Variants in DST observed in about 807,000 individuals in gnomAD.
The protein encoded by DST is dystonin, also known as bullous pemphigoid antigen.
DST carries 253 observed loss-of-function variants against 875.2 expected under a neutral mutation model. That is an observed-to-expected ratio of 0.29 (90% CI 0.26 to 0.32). DST has a LOEUF of 0.32. Among genes scored for constraint, DST ranks in the 10% least tolerant of loss-of-function variants. The pLI is 1.00. For synonymous variants in DST, 3,124 were observed against 3,197.1 expected (o/e 0.98, Z 0.77); for missense variants, 8,287 against 9,111.6 (o/e 0.91, Z 3.68).
At chr6:56,900,325 T>C (rs141580230) in intron 3 of DST, 96 bp downstream of exon 3, 2 of 1,063,824 alleles carry the variant, frequency 1.9e-6, no homozygotes, top group East Asian at 4.9e-5. Flanking sequence ...AACCTAATTA[T>C]TCAAAGTTAA....
intron 69 of DST, among the ~76,000 whole-genome samples, chr6:56,522,079 A>C (rs1405885500): frequency 1.3e-5 from 2 of 151,716 alleles, no homozygotes; most frequent in Non-Finnish European, 2.9e-5. Flanking sequence ...AATTTTCTAA[A>C]AGTTAGTGCA....
rs58251502 is a variant in DST at position 56,593,516 on chromosome 6, C to CAAAAAAAAAAAAAAAAAAAAAAAA, written c.12726+146_12726+147insTTTTTTTTTTTTTTTTTTTTTTTT. The CAAAAAAAAAAAAAAAAAAAAAAAA allele has an allele frequency of 3.1e-5, 10 of 319,356 alleles. No individual in the cohort carries two copies. In the African/African-American group the frequency reaches 3.9e-4, roughly 12 times the overall value. The allele number at this position is 319,356 out of a possible 1,614,324, so 19.8% of individuals were successfully genotyped here. On this transcript the variant is annotated intron_variant, in intron 48 of 103. Coordinates refer to ENST00000680361, the MANE Select transcript of DST (RefSeq NM_001374736.1). ...TGGGCGACAGAGTGAGACTCCTTCT[C>CAAAAAAAAAAAAAAAAAAAAAAAA]AAAAAAAAAAAAAAAAATAGAAGTA...
rs1003429725 is a variant in DST, at chr6:56,616,844, A to C, written c.4930-2360T>G. The C allele has an allele frequency of 1.9e-6, 3 of 1,614,012 alleles. No individual in the cohort carries two copies. In the African/African-American group the frequency reaches 4.0e-5, roughly 22 times the overall value. ...CACAGCTGCCTTCTCTGCCTCAAGA[A>C]GCCTAATTCTGAATTCGGGGTCAAC... On this transcript the variant is annotated intron_variant, in intron 36 of 103. Coordinates refer to ENST00000680361, the MANE Select transcript of DST (RefSeq NM_001374736.1).
intron 86 of DST, among the ~76,000 whole-genome samples, chr6:56,488,941 C>T (rs976637709): frequency 6.6e-6 from 1 of 152,108 alleles, no homozygotes; most frequent in Non-Finnish European, 1.5e-5. Context: ...TTTCTACATG[C>T]TTTTCTAGTC....
intron 4 of DST, among the ~76,000 whole-genome samples, chr6:56,765,062 C>T (rs1290827244): frequency 5.3e-5 from 8 of 152,020 alleles, no homozygotes. Context: ...TGTATGATTG[C>T]CTGCTACTTG....
intron 22 of DST, among the ~76,000 whole-genome samples, chr6:56,638,513 A>AT (rs1202284472): frequency 2.6e-5 from 4 of 151,880 alleles, no homozygotes; most frequent in East Asian, 3.9e-4. Flanking sequence ...GACCAGCATC[A>AT]TTTTTTTTCC....
intron 4 of DST, among the ~76,000 whole-genome samples, chr6:56,784,512 C>T (rs1367694091): frequency 2.0e-5 from 3 of 152,160 alleles, no homozygotes; most frequent in Admixed American, 6.5e-5. Flanking sequence ...TCCAGTTGAT[C>T]GCATCAGCTC....
intron 78 of DST, among the ~76,000 whole-genome samples, chr6:56,501,999 C>T (rs1457724187): frequency 6.6e-6 from 1 of 152,024 alleles, no homozygotes; most frequent in African/African-American, 2.4e-5. Flanking sequence ...CCAATATATG[C>T]ATTTGAAAAA....
At chr6:56,503,837 T>C (rs1172838461) in intron 78 of DST, among the ~76,000 whole-genome samples, 160 bp downstream of exon 78, 2 of 152,114 alleles carry the variant, frequency 1.3e-5, no homozygotes, top group Non-Finnish European at 2.9e-5. Flanking sequence ...AAAGAACACT[T>C]ATATATTGCT....
In DST at chr6:56,489,567, A is replaced by G; in HGVS notation, c.20800T>C (p.Ser6934Pro). ...WSKLMEWLEE[S>P]EKSLDSELEI... Reference sequence around the variant, plus strand: ...AGTTCAGAATCCAAAGACTTTTCTGACTCTTCTAGCCACTCCATAAGTTTA... The same window carrying G: ...AGTTCAGAATCCAAAGACTTTTCTGGCTCTTCTAGCCACTCCATAAGTTTA... The change falls in exon 86 of 104, where the codon TCA (serine) becomes CCA (proline). Residue 6934 changes from serine (S) to proline (P), a missense_variant. Ser to Pro is a moderately conservative substitution (Grantham distance 74, BLOSUM62 -1). This residue lies in a region of DST where 1,292 missense variants were observed against 1,552.7 expected (regional missense o/e 0.83). Coordinates refer to ENST00000680361, the MANE Select transcript of DST (RefSeq NM_001374736.1). 6.2e-7 allele frequency: 1 copy of G among 1,613,044 alleles called. No homozygotes were observed. The highest frequency in any genetic ancestry group is 8.5e-7 in the Non-Finnish European group (1 of 1,179,434).
At chr6:56,595,418 CCTACCATATAACTTAGTT>C in intron 47 of DST, among the ~76,000 whole-genome samples, 1 of 152,220 alleles carries the variant, frequency 6.6e-6, no homozygotes, top group Non-Finnish European at 1.5e-5. Context: ...TGCCTTCTAA[CCTACCATATAACTTAGTT>C]ATTGTCTACT....
At chr6:56,745,693 A>G (rs879593626) in intron 4 of DST, among the ~76,000 whole-genome samples, 17 of 152,232 alleles carry the variant, frequency 1.1e-4, no homozygotes, top group Admixed American at 2.0e-4. Flanking sequence ...CATCTGCTAT[A>G]TATGTAAAAT....
chr6:56,863,744 T>C (rs1340813926), intron 3 of DST: 1 of 152,176 alleles, frequency 6.6e-6, no homozygotes, highest in Non-Finnish European at 1.5e-5. Flanking sequence ...CATAAAACAA[T>C]ATGATGAATT....
At chr6:56,733,521 C>A (rs1223246590) in intron 5 of DST, among the ~76,000 whole-genome samples, 1 of 152,068 alleles carries the variant, frequency 6.6e-6, no homozygotes, top group Non-Finnish European at 1.5e-5. Context: ...TCATTTAAAT[C>A]CTCACACCAA....
intron 5 of DST, among the ~76,000 whole-genome samples, chr6:56,722,793 A>G (rs2099427934): frequency 6.6e-6 from 1 of 152,260 alleles, no homozygotes; most frequent in Non-Finnish European, 1.5e-5. Flanking sequence ...ATAGCTGAAC[A>G]TGTACAAAGG....
chr6:56,779,236 T>C (rs1010195453), intron 4 of DST, among the ~76,000 whole-genome samples: 3 of 151,970 alleles, frequency 2.0e-5, no homozygotes, highest in African/African-American at 7.3e-5. Context: ...GGGTTGTTTG[T>C]TTTTTTCCTG....
intron 8 of DST, among the ~76,000 whole-genome samples, chr6:56,700,677 A>G (rs2099297062): frequency 6.6e-6 from 1 of 152,212 alleles, no homozygotes; most frequent in Admixed American, 6.5e-5. Flanking sequence ...CCTAACATTT[A>G]CTTCCTGGAC....
chr6:56,681,652 A>G (rs1049942429), intron 9 of DST, among the ~76,000 whole-genome samples: 3 of 152,248 alleles, frequency 2.0e-5, no homozygotes, highest in African/African-American at 7.2e-5. Flanking sequence ...ATATGTGAGC[A>G]GTATATCCTG....
At chr6:56,700,197 C>T (rs1233067604) in intron 8 of DST, among the ~76,000 whole-genome samples, 2 of 152,134 alleles carry the variant, frequency 1.3e-5, no homozygotes, top group South Asian at 2.1e-4. Flanking sequence ...CCTGATGATC[C>T]GAGGTGAAAC....
Sources: allele counts gnomAD v4.1 joint callset (sites outside exome capture counted in the v4.1 genomes callset), GRCh38; gene constraint gnomAD v4.1.1; regional missense constraint gnomAD v4.1.1; transcripts MANE v1.5; gene names NCBI Gene and HGNC (gene_info 2026-07-23, HGNC 2026-07-21).